Variants in WDR37 observed in about 807,000 individuals in gnomAD.
WDR37 encodes WD repeat-containing protein 37.
A neutral mutation model predicts 62.9 loss-of-function variants in WDR37; 19 were observed. That is an observed-to-expected ratio of 0.30 (90% CI 0.21 to 0.44). WDR37 has a LOEUF of 0.44. WDR37 is among the 20% of genes least tolerant of loss of function. WDR37 has a pLI of 1.00. For synonymous variants in WDR37, 250 were observed against 260.9 expected, an observed-to-expected ratio of 0.96 and a Z score of 0.40; for missense variants, 474 against 657.6, an observed-to-expected ratio of 0.72 and a Z score of 3.05.
At position 1,056,775 on chromosome 10, in the gene WDR37, C is replaced by CG. The variant is rs1833187737; in HGVS notation, c.-231dup. Reference sequence around the variant, plus strand: ...GCGGCTTCCGGAGAACCCAGCGGCGCGGGACTGGGGCGGGACTTCCGGCGA... The same window carrying CG: ...GCGGCTTCCGGAGAACCCAGCGGCGCGGGGACTGGGGCGGGACTTCCGGCGA... On this transcript the variant is annotated 5_prime_UTR_variant, in exon 1 of 14. Coordinates refer to ENST00000263150, the MANE Select transcript of WDR37 (RefSeq NM_014023.4). The CG allele has an allele frequency of 6.6e-6, 1 of 152,140 alleles. No homozygotes were observed. The highest frequency in any genetic ancestry group is 2.4e-5 in the African/African-American group (1 of 41,412). The allele number at this position is 152,140 out of a possible 1,614,324, so 9.4% of individuals were successfully genotyped here. A position where few individuals can be genotyped will look rare whatever the true frequency, so the allele number is the denominator to read the frequency against.
chr10:1,111,378 G>A (rs935908279), intron 11 of WDR37, among the ~76,000 whole-genome samples: 6 of 152,196 alleles, frequency 3.9e-5, no homozygotes, highest in Non-Finnish European at 7.3e-5. Context: ...TTCCAGGAGA[G>A]ATTTTTCCCC....
rs370361276 is a variant in WDR37, at chr10:1,129,332, A to G, written c.1473A>G (p.Leu491=). The change falls in exon 14 of 14, where the codon CTA becomes CTG. Residue 491 remains leucine (L), a synonymous_variant. Coordinates refer to ENST00000263150, the MANE Select transcript of WDR37 (RefSeq NM_014023.4). ...IGWNINIPAL[L]QEK Reference sequence around the variant, plus strand: ...GGAACATCAACATCCCTGCATTGCTACAAGAAAAATAAGGACACCGGCAGC... The same window carrying G: ...GGAACATCAACATCCCTGCATTGCTGCAAGAAAAATAAGGACACCGGCAGC... 1.9e-6 allele frequency: 3 copies of G among 1,613,932 alleles called. No homozygotes were observed. The African/African-American group carries it at 4.0e-5, about 22-fold the overall frequency.
chr10:1,103,889 T>C lies in WDR37; in HGVS notation c.961+53T>C. Reference sequence around the variant, plus strand: ...TCCTGGCTGTGCATGTTAGTTTATGTCCATGGGTTATGTCTGACCTTGCCA... The same window carrying C: ...TCCTGGCTGTGCATGTTAGTTTATGCCCATGGGTTATGTCTGACCTTGCCA... On this transcript the variant is annotated intron_variant, in intron 10 of 13. Transcript: ENST00000263150. This position sits in a 1 kb window ranked among gnomAD's most constrained non-coding sequence, Gnocchi z 6.3. 6.4e-7 allele frequency: 1 copy of C among 1,568,706 alleles called. No homozygotes were observed.
intron 1 of WDR37, among the ~76,000 whole-genome samples, chr10:1,069,562 C>G (rs1187963130): frequency 6.6e-6 from 1 of 151,554 alleles, no homozygotes; most frequent in African/African-American, 2.4e-5. Context: ...GGTAACTGCT[C>G]TTTGATCATA....
intron 11 of WDR37, among the ~76,000 whole-genome samples, chr10:1,111,612 T>C (rs1835219894): frequency 6.6e-6 from 1 of 152,228 alleles, no homozygotes; most frequent in Non-Finnish European, 1.5e-5. Flanking sequence ...CCAGTCACCT[T>C]TTCCTTTTGA....
At chr10:1,098,580 C>G (rs1011359444) in intron 9 of WDR37, among the ~76,000 whole-genome samples, 2 of 152,224 alleles carry the variant, frequency 1.3e-5, no homozygotes, top group African/African-American at 4.8e-5. Context: ...CCTCCTCGGC[C>G]TCCCAAAGTG....
At chr10:1,123,838 A>G (rs544282894) in intron 11 of WDR37, 1 of 175,372 alleles carries the variant, frequency 5.7e-6, no homozygotes, top group Non-Finnish European at 1.2e-5. Context: ...GCTATAGACC[A>G]AGATATGTTA....
intron 1 of WDR37, among the ~76,000 whole-genome samples, chr10:1,071,281 C>A (rs142933391): frequency 6.6e-6 from 1 of 152,164 alleles, no homozygotes; most frequent in East Asian, 1.9e-4. Flanking sequence ...CAGTGAGGTG[C>A]TGAGCTGGCC....
At chr10:1,081,407 A>G (rs751122357) in intron 5 of WDR37, among the ~76,000 whole-genome samples, 3 of 152,224 alleles carry the variant, frequency 2.0e-5, no homozygotes, top group Non-Finnish European at 4.4e-5. Flanking sequence ...TGATGGTGTA[A>G]GTAGTTCTTG....
chr10:1,071,278 G>A (rs1471993217), intron 1 of WDR37, among the ~76,000 whole-genome samples: 2 of 152,148 alleles, frequency 1.3e-5, no homozygotes, highest in African/African-American at 4.8e-5. Context: ...TGACAGTGAG[G>A]TGCTGAGCTG....
chr10:1,072,220 G>A lies in WDR37; in HGVS notation c.65G>A (p.Ser22Asn). The change falls in exon 2 of 14, where the codon AGC becomes AAC. Residue 22 changes from serine to asparagine, a missense_variant. Transcript: ENST00000263150. ...ACAAAACAGAAGCGCAAATCCCATA[G>A]CCTTTCTATACGAAGAACTAACAGC... ...RQTKQKRKSH[S>N]LSIRRTNSSE... 1.2e-6 allele frequency: 2 copies of A among 1,614,202 alleles called. No individual in the cohort carries two copies. The highest frequency in any genetic ancestry group is 1.7e-6 in the Non-Finnish European group (2 of 1,180,030).
intron 5 of WDR37, among the ~76,000 whole-genome samples, chr10:1,083,073 G>C (rs1012726094): frequency 2.0e-5 from 3 of 152,180 alleles, no homozygotes; most frequent in African/African-American, 7.2e-5. Flanking sequence ...TTATTATGGT[G>C]GGAGGTTGTG....
At position 1,131,860 on chromosome 10, in the gene WDR37, A is replaced by G. The variant is rs1180063471; in HGVS notation, c.*2516A>G. The G allele has an allele frequency of 4.6e-5, 7 of 152,684 alleles. No homozygotes were observed. The highest frequency in any genetic ancestry group is 1.7e-4 in the African/African-American group (7 of 41,562). The allele number at this position is 152,684 out of a possible 1,614,324, so 9.5% of individuals were successfully genotyped here. On this transcript the variant is annotated 3_prime_UTR_variant, in exon 14 of 14. Transcript: ENST00000263150. ...AGACGGAAAATGTGTGGTTACTGAA[A>G]ACTGTATATGATACAGAATTTCATA...
chr10:1,075,256 CTTT>C, intron 2 of WDR37, among the ~76,000 whole-genome samples: 1 of 146,126 alleles, frequency 6.8e-6, no homozygotes, highest in Non-Finnish European at 1.5e-5. Flanking sequence ...TCTCAGCTTT[CTTT>C]TCCATAGCAA....
At chr10:1,109,116 A>T (rs1414919411) in intron 11 of WDR37, among the ~76,000 whole-genome samples, 1 of 152,012 alleles carries the variant, frequency 6.6e-6, no homozygotes, top group Non-Finnish European at 1.5e-5. Flanking sequence ...CCCAGTTCAG[A>T]GAGAGAAACT....
intron 1 of WDR37, among the ~76,000 whole-genome samples, chr10:1,066,114 T>C (rs1833530337): frequency 6.6e-6 from 1 of 151,770 alleles, no homozygotes; most frequent in South Asian, 2.1e-4. Flanking sequence ...AGAAAAGATA[T>C]GTAGGACTTT....
chr10:1,106,132 T>C (rs939903850), intron 11 of WDR37, among the ~76,000 whole-genome samples: 9 of 152,136 alleles, frequency 5.9e-5, no homozygotes, highest in Non-Finnish European at 1.0e-4. Flanking sequence ...GACCGTCTCC[T>C]TCCCCCAGTC....
intron 11 of WDR37, among the ~76,000 whole-genome samples, chr10:1,108,008 T>C (rs559155094): frequency 4.1e-4 from 63 of 152,400 alleles, no homozygotes; most frequent in Non-Finnish European, 6.9e-4. Context: ...TCTCTGTAGA[T>C]GTGTACACAC....
chr10:1,126,350 G>A (rs967061326), intron 13 of WDR37, among the ~76,000 whole-genome samples: 1 of 150,242 alleles, frequency 6.7e-6, no homozygotes. Context: ...AGCTTGCAGT[G>A]AGCTGAGATC....
Sources: gnomAD v4.1 joint callset for allele counts (sites outside exome capture counted in the v4.1 genomes callset) on GRCh38, gnomAD v4.1.1 for gene constraint, Gnocchi (gnomAD v3.1) non-coding constraint, MANE v1.5 for transcripts, NCBI Gene and HGNC (gene_info 2026-07-23, HGNC 2026-07-21) for gene names.